FTO: variants seen among roughly 807,000 people sequenced by gnomAD.
FTO encodes FTO alpha-ketoglutarate dependent dioxygenase, also known as alpha-ketoglutarate-dependent dioxygenase FTO.
In FTO, 47 loss-of-function variants were observed where a neutral mutation model predicts 63.9. The ratio of observed to expected loss-of-function variants is 0.74; its 90% CI spans 0.58 to 0.94. The LOEUF is 0.94. Among genes scored for constraint, FTO ranks in the 40% least tolerant of loss-of-function variants. The pLI is 0.00. For synonymous variants in FTO, 207 were observed against 224.4 expected (o/e 0.92, Z 0.69); for missense variants, 562 against 618.1 (o/e 0.91, Z 0.96).
chr16:53,928,615 G>GT (rs147386392), intron 7 of FTO, among the ~76,000 whole-genome samples: 13,602 of 152,040 alleles, frequency 0.089, 813 homozygotes, highest in Non-Finnish European at 0.13. Context: ...TATTAAAATA[G>GT]TTTTTTGTAA....
In FTO at chr16:53,909,853, C is replaced by T. The variant is rs151160545; in HGVS notation, c.1239+20902C>T. On this transcript the variant is annotated intron_variant, in intron 7 of 8. Transcript: ENST00000471389. The stretch of plus-strand genomic sequence containing the variant: ...TGCTGGGATTACAGGTGTGAGCCAC[C>T]ACGCCCAGCTGAGAGCCTCTTTTTT... Among the ~76,000 whole-genome samples, 279 of 152,016 alleles carry T rather than the reference C, an allele frequency of 1.8e-3. 1 individual carries two copies. The highest frequency in any genetic ancestry group is 6.5e-3 in the African/African-American group (271 of 41,454).
At chr16:53,877,995 G>A (rs1268852891) in intron 5 of FTO, among the ~76,000 whole-genome samples, 1 of 152,140 alleles carries the variant, frequency 6.6e-6, no homozygotes, top group Non-Finnish European at 1.5e-5. Context: ...CTAGATAGAA[G>A]TCATTTTAAA....
At chr16:53,768,878 C>G (rs1032855032) in intron 1 of FTO, among the ~76,000 whole-genome samples, 4 of 152,156 alleles carry the variant, frequency 2.6e-5, no homozygotes, top group African/African-American at 9.7e-5. Context: ...CTGGCTACCA[C>G]CAGTACATGA....
chr16:53,796,547 T>A (rs1233892111), intron 1 of FTO, among the ~76,000 whole-genome samples: 1 of 152,202 alleles, frequency 6.6e-6, no homozygotes, highest in Non-Finnish European at 1.5e-5. Flanking sequence ...AAAAGGGACA[T>A]ACTACATGAA....
chr16:53,895,130 G>A (rs973387011), intron 7 of FTO, among the ~76,000 whole-genome samples: 1 of 151,960 alleles, frequency 6.6e-6, no homozygotes, highest in African/African-American at 2.4e-5. Flanking sequence ...ATTCCCCACA[G>A]CTATATTGTT....
At position 53,941,511 on chromosome 16, in the gene FTO, G is replaced by C. The variant is rs865918440; in HGVS notation, c.1364+7402G>C. ...TTTTATCTCTCCTACCAGAATGAAA[G>C]TTTTATGAGGATTGGACGTTTGTTT... On this transcript the variant is annotated intron_variant, in intron 8 of 8. Transcript: ENST00000471389. 3.9e-5 allele frequency among the ~76,000 whole-genome samples: 6 copies of C among 152,290 alleles called. No homozygotes were observed. The South Asian group carries it at 6.2e-4, about 16-fold the overall frequency.
At chr16:53,867,247 A>G (rs902335406) in intron 4 of FTO, among the ~76,000 whole-genome samples, 1 of 152,140 alleles carries the variant, frequency 6.6e-6, no homozygotes, top group African/African-American at 2.4e-5. Context: ...TATTTTTTAA[A>G]AAAATGTTTC....
intron 8 of FTO, among the ~76,000 whole-genome samples, chr16:54,021,497 T>C (rs1267171495): frequency 1.3e-5 from 2 of 152,000 alleles, no homozygotes; most frequent in African/African-American, 4.8e-5. Context: ...TTTGTTTGTT[T>C]GTTTGTTTTT....
intron 7 of FTO, among the ~76,000 whole-genome samples, chr16:53,928,567 A>G (rs1299033570): frequency 6.6e-6 from 1 of 152,202 alleles, no homozygotes; most frequent in Non-Finnish European, 1.5e-5. Context: ...CCTAAATTTT[A>G]GAGTTTGAAT....
At chr16:53,792,221 T>G (rs940597291) in intron 1 of FTO, among the ~76,000 whole-genome samples, 41 of 152,238 alleles carry the variant, frequency 2.7e-4, no homozygotes, top group African/African-American at 9.4e-4. Context: ...AGTTATTCTT[T>G]TAGGTATTTT....
intron 1 of FTO, among the ~76,000 whole-genome samples, chr16:53,716,780 A>G (rs1054907468): frequency 3.3e-5 from 5 of 151,466 alleles, no homozygotes; most frequent in Admixed American, 1.3e-4. Context: ...ATTTTAGAAA[A>G]ACTAACAAAT....
At chr16:54,061,956 C>T (rs1444989431) in intron 8 of FTO, among the ~76,000 whole-genome samples, 1 of 152,072 alleles carries the variant, frequency 6.6e-6, no homozygotes, top group African/African-American at 2.4e-5. Flanking sequence ...TTCCTGGCGG[C>T]AATAAAATTT....
intron 8 of FTO, among the ~76,000 whole-genome samples, chr16:54,033,176 A>G (rs937254728): frequency 2.6e-5 from 4 of 152,196 alleles, no homozygotes; most frequent in Non-Finnish European, 4.4e-5. Flanking sequence ...GTTTTCAGAA[A>G]TGGACAAATT....
Position 53,857,464 on chromosome 16 carries a change from C to A in FTO, c.895+13166C>A, listed in dbSNP as rs867345382. 3.9e-3 allele frequency among the ~76,000 whole-genome samples: 574 copies of A among 146,242 alleles called. 10 individuals are homozygous for A. The highest frequency in any genetic ancestry group is 0.038 in the South Asian group (169 of 4,466). On this transcript the variant is annotated intron_variant, in intron 4 of 8. Coordinates refer to ENST00000471389, the MANE Select transcript of FTO (RefSeq NM_001080432.3). ...GGTCTCTCTCTCTCTCTCTCTCTCT[C>A]TCTTTCTATATATATATAGGAAGTC...
intron 8 of FTO, among the ~76,000 whole-genome samples, chr16:53,966,403 G>A (rs2083198339): frequency 6.6e-6 from 1 of 152,198 alleles, no homozygotes; most frequent in African/African-American, 2.4e-5. Context: ...TTCCCATTGT[G>A]TTGAATAAAT....
At chr16:54,042,299 C>G (rs552995596) in intron 8 of FTO, among the ~76,000 whole-genome samples, 1 of 135,916 alleles carries the variant, frequency 7.4e-6, no homozygotes, top group Non-Finnish European at 1.5e-5. Context: ...ACCTGGGAAG[C>G]GCAAGGGGTC....
chr16:53,843,843 G>A (rs911459468), intron 3 of FTO, among the ~76,000 whole-genome samples: 1 of 151,462 alleles, frequency 6.6e-6, no homozygotes, highest in Non-Finnish European at 1.5e-5. Context: ...AGAGATGGGG[G>A]TCTTGATTTC....
intron 8 of FTO, among the ~76,000 whole-genome samples, chr16:53,976,220 A>C (rs891494198): frequency 6.6e-6 from 1 of 152,166 alleles, no homozygotes; most frequent in Non-Finnish European, 1.5e-5. Flanking sequence ...TTTTTAAAGA[A>C]ATTCACTTTA....
At chr16:54,032,860 G>A (rs1001490189) in intron 8 of FTO, among the ~76,000 whole-genome samples, 15 of 152,020 alleles carry the variant, frequency 9.9e-5, no homozygotes, top group Admixed American at 5.2e-4. Flanking sequence ...CAGTGAGTGG[G>A]GTCTCACAAA....
Sources: gnomAD v4.1 joint callset for allele counts (sites outside exome capture counted in the v4.1 genomes callset) on GRCh38, gnomAD v4.1.1 for gene constraint, MANE v1.5 for transcripts, NCBI Gene and HGNC (gene_info 2026-07-23, HGNC 2026-07-21) for gene names.